Variants in ABCB4 observed in about 807,000 individuals in gnomAD.
ABCB4 encodes phosphatidylcholine translocator ABCB4.
A neutral mutation model predicts 145.7 loss-of-function variants in ABCB4; 76 were observed. That is an observed-to-expected ratio of 0.52 (90% CI 0.43 to 0.63). The LOEUF (loss-of-function observed/expected upper bound fraction) is 0.63, where lower values mean the gene tolerates loss of function less well. Among genes scored for constraint, ABCB4 ranks in the 30% least tolerant of loss-of-function variants. ABCB4 has a pLI of 0.00. For synonymous variants in ABCB4, 517 were observed against 566.8 expected (o/e 0.91, Z 1.25); for missense variants, 1,234 against 1,553.1 (o/e 0.79, Z 3.45).
downstream of ABCB4, among the ~76,000 whole-genome samples, chr7:87,400,604 C>T (rs1054953693): frequency 2.0e-5 from 3 of 152,074 alleles, no homozygotes; most frequent in South Asian, 2.1e-4. Context: ...AACTAGATAG[C>T]GAGGACATTT....
chr7:87,451,874 G>A, intron 6 of ABCB4, 80 bp from the exon 7 acceptor site: 1 of 1,400,148 alleles, frequency 7.1e-7, no homozygotes, highest in Non-Finnish European at 1.0e-6. Context: ...CAAACACATA[G>A]ACAAGTAAAA....
At chr7:87,472,734 G>T in intron 2 of ABCB4, 59 bp from the exon 3 acceptor site, 2 of 1,185,480 alleles carry the variant, frequency 1.7e-6, no homozygotes, top group South Asian at 2.5e-5. Context: ...ACAATCAATT[G>T]AACATAAATA....
intron 26 of ABCB4, among the ~76,000 whole-genome samples, chr7:87,405,034 T>C (rs1808078402): frequency 1.3e-5 from 2 of 152,154 alleles, no homozygotes; most frequent in African/African-American, 4.8e-5. Flanking sequence ...CCCAAAGAAA[T>C]AAAAACTTGA....
intron 18 of ABCB4, among the ~76,000 whole-genome samples, chr7:87,420,589 C>G (rs145076539): frequency 6.6e-6 from 1 of 152,154 alleles, no homozygotes; most frequent in South Asian, 2.1e-4. Flanking sequence ...CAAACCTGCC[C>G]GTTGTGTGGG....
At chr7:87,384,593 GTTTT>G in the ABCB4 span, among the ~76,000 whole-genome samples, 1 of 152,176 alleles carries the variant, frequency 6.6e-6, no homozygotes, top group African/African-American at 2.4e-5. Context: ...TTGCTATTGA[GTTTT>G]TTAAGTTCCT....
At chr7:87,468,900 C>T (rs951789351) in intron 3 of ABCB4, among the ~76,000 whole-genome samples, 62 of 109,190 alleles carry the variant, frequency 5.7e-4, no homozygotes, top group Non-Finnish European at 1.0e-3. Context: ...CACTACAGTC[C>T]GGCCTGGGCG....
chr7:87,387,556 G>A, the ABCB4 span, among the ~76,000 whole-genome samples: 2 of 151,800 alleles, frequency 1.3e-5, no homozygotes, highest in Non-Finnish European at 1.5e-5. Flanking sequence ...GTGACCAGAA[G>A]TCTTACCAAT....
the ABCB4 span, among the ~76,000 whole-genome samples, chr7:87,366,646 G>A: frequency 5.1e-4 from 77 of 152,194 alleles, no homozygotes; most frequent in Middle Eastern, 0.01. Context: ...TCTCTTCATG[G>A]CTCCATTCCT....
At chr7:87,375,043 T>C in the ABCB4 span, among the ~76,000 whole-genome samples, 6 of 152,142 alleles carry the variant, frequency 3.9e-5, no homozygotes, top group Non-Finnish European at 8.8e-5. Context: ...TCTAGGAGCA[T>C]AAAATACTGT....
downstream of ABCB4, chr7:87,398,263 C>A: frequency 1.6e-6 from 1 of 621,550 alleles, no homozygotes; most frequent in Admixed American, 2.1e-5. Flanking sequence ...CGCAGTAAGA[C>A]CTAGCTTCAG....
chr7:87,458,836 A>C (rs947820123), intron 4 of ABCB4, among the ~76,000 whole-genome samples: 1 of 152,148 alleles, frequency 6.6e-6, no homozygotes, highest in African/African-American at 2.4e-5. Context: ...AGGCTACCAA[A>C]ACAAAGTTGG....
chr7:87,389,729 A>C, the ABCB4 span, among the ~76,000 whole-genome samples: 1 of 152,166 alleles, frequency 6.6e-6, no homozygotes, highest in Non-Finnish European at 1.5e-5. Context: ...TATGTAATAA[A>C]CCTGCACATT....
At chr7:87,431,716 A>T in intron 14 of ABCB4, 151 bp from the exon 15 acceptor site, 1 of 1,128,890 alleles carries the variant, frequency 8.9e-7, no homozygotes, top group South Asian at 1.3e-5. Context: ...CAAAGGCATC[A>T]CTCTTTATGA....
intron 14 of ABCB4, among the ~76,000 whole-genome samples, chr7:87,435,551 C>T (rs1440696974): frequency 1.3e-5 from 2 of 152,184 alleles, no homozygotes; most frequent in Non-Finnish European, 2.9e-5. Flanking sequence ...TCTCTAGCCT[C>T]CTGAAGGATA....
chr7:87,393,308 G>A, the ABCB4 span, among the ~76,000 whole-genome samples: 1 of 151,950 alleles, frequency 6.6e-6, no homozygotes, highest in Admixed American at 6.6e-5. Flanking sequence ...AAGTCGATTC[G>A]GCAATCATAT....
chr7:87,372,007 CAAA>C, the ABCB4 span, among the ~76,000 whole-genome samples: 28 of 124,002 alleles, frequency 2.3e-4, no homozygotes, highest in Admixed American at 3.4e-4. Flanking sequence ...AAAAAAAAAA[CAAA>C]AAAAAAAAAA....
At chr7:87,427,142 G>A (rs1262203707) in intron 15 of ABCB4, among the ~76,000 whole-genome samples, 4 of 152,066 alleles carry the variant, frequency 2.6e-5, no homozygotes, top group South Asian at 2.1e-4. Flanking sequence ...GAAAATCGGA[G>A]TATAAGAATA....
Position 87,444,920 on chromosome 7 carries a change from A to G in ABCB4, c.1061T>C (p.Ile354Thr). Reference sequence around the variant, plus strand: ...TCCTCTTGCATTGGCAAAAGCATCAATACATGGGGCAGCCTGGCCAACACT... The same window carrying G: ...TCCTCTTGCATTGGCAAAAGCATCAGTACATGGGGCAGCCTGGCCAACACT... Reference protein sequence around the residue: ...AFSVGQAAPCIDAFANARGAA... With the variant: ...AFSVGQAAPCTDAFANARGAA... Residue 354 changes from isoleucine to threonine, a missense_variant, in exon 10 of 28, where the codon ATT becomes ACT. Ile to Thr is a moderately conservative substitution (Grantham distance 89). Coordinates refer to ENST00000649586, the MANE Select transcript of ABCB4 (RefSeq NM_000443.4). The G allele has an allele frequency of 6.2e-7, 1 of 1,608,694 alleles. No homozygotes were observed. Among genetic ancestry groups the G allele is most frequent in the Non-Finnish European group, 8.5e-7 (1 of 1,179,642 alleles).
chr7:87,383,872 A>G, the ABCB4 span, among the ~76,000 whole-genome samples: 17 of 152,198 alleles, frequency 1.1e-4, no homozygotes, highest in Non-Finnish European at 7.3e-5. Flanking sequence ...TAGTGCTGCA[A>G]TAAACATTGG....
Sources: allele counts gnomAD v4.1 joint callset (sites outside exome capture counted in the v4.1 genomes callset), GRCh38; gene constraint gnomAD v4.1.1; transcripts MANE v1.5; gene names NCBI Gene and HGNC (gene_info 2026-07-23, HGNC 2026-07-21).